NDUFAF6: variants seen among roughly 807,000 people sequenced by gnomAD.
The protein encoded by NDUFAF6 is NADH:ubiquinone oxidoreductase complex assembly factor 6.
NDUFAF6 carries 45 observed loss-of-function variants against 40.8 expected under a neutral mutation model. The observed-to-expected ratio is 1.10, with a 90% CI of 0.87 to 1.42. The LOEUF is 1.42. Among genes scored for constraint, NDUFAF6 ranks in the 40% most tolerant of loss-of-function variants. NDUFAF6 has a pLI of 0.00. For missense variants in NDUFAF6, 435 were observed against 418.5 expected (o/e 1.04, Z -0.34); for synonymous variants, 185 against 155.9 (o/e 1.19, Z -1.39).
At chr8:95,053,925 C>CTT (rs71273448) in intron 8 of NDUFAF6, among the ~76,000 whole-genome samples, 1,845 of 37,020 alleles carry the variant, frequency 0.05, 643 homozygotes, top group Non-Finnish European at 0.069. Flanking sequence ...CCGTGCCCGG[C>CTT]TTTTTTTTTT....
intron 2 of NDUFAF6, chr8:95,034,214 C>A: frequency 2.8e-6 from 1 of 360,666 alleles, no homozygotes; most frequent in Non-Finnish European, 5.6e-6. Flanking sequence ...ATACACATTT[C>A]TCTTTTTATG....
chr8:95,114,372 G>A (rs566022117), intron 4 of NDUFAF6, among the ~76,000 whole-genome samples: 4 of 152,316 alleles, frequency 2.6e-5, no homozygotes, highest in South Asian at 2.1e-4. Flanking sequence ...CCACAGGACC[G>A]CAAAAGCAGC....
chr8:95,079,632 T>C (rs964344930), downstream of NDUFAF6, among the ~76,000 whole-genome samples: 4 of 151,914 alleles, frequency 2.6e-5, no homozygotes, highest in Admixed American at 2.6e-4. Context: ...TGACAACAAT[T>C]AAACTATAGG....
downstream of NDUFAF6, among the ~76,000 whole-genome samples, chr8:95,078,914 G>A (rs1207976610): frequency 2.0e-5 from 3 of 151,766 alleles, no homozygotes; most frequent in Non-Finnish European, 2.9e-5. Context: ...AATAATGCAC[G>A]CAGGCATCCA....
chr8:94,967,069 A>G (rs1824068395), intron 1 of NDUFAF6, among the ~76,000 whole-genome samples: 1 of 152,216 alleles, frequency 6.6e-6, no homozygotes. Flanking sequence ...ATAAGGGGGT[A>G]GGCAGAAGAA....
At chr8:94,994,280 G>C (rs1367472601) in intron 2 of NDUFAF6, among the ~76,000 whole-genome samples, 1 of 152,206 alleles carries the variant, frequency 6.6e-6, no homozygotes, top group Non-Finnish European at 1.5e-5. Context: ...TCTGGGCGCG[G>C]TGGCTCACAC....
intron 5 of NDUFAF6, among the ~76,000 whole-genome samples, chr8:95,046,426 T>C (rs1830777278): frequency 6.6e-6 from 1 of 152,236 alleles, no homozygotes; most frequent in Non-Finnish European, 1.5e-5. Context: ...GGATTTCTTC[T>C]CTGACTTTGT....
chr8:94,959,273 A>C (rs1823353548), intron 1 of NDUFAF6, among the ~76,000 whole-genome samples: 2 of 152,158 alleles, frequency 1.3e-5, no homozygotes, highest in Admixed American at 1.3e-4. Flanking sequence ...TAACCATAAC[A>C]ATCTCCCAGG....
intron 2 of NDUFAF6, among the ~76,000 whole-genome samples, chr8:95,088,150 G>A (rs1260820589): frequency 6.6e-6 from 1 of 152,192 alleles, no homozygotes; most frequent in Non-Finnish European, 1.5e-5. Context: ...TTGAGGCACT[G>A]CCTGCAAACC....
downstream of NDUFAF6, among the ~76,000 whole-genome samples, chr8:95,117,595 A>G (rs994507592): frequency 6.6e-5 from 10 of 152,156 alleles, no homozygotes; most frequent in African/African-American, 2.2e-4. Flanking sequence ...CTTGACAGAT[A>G]TTACCAGTGT....
intron 2 of NDUFAF6, among the ~76,000 whole-genome samples, chr8:94,981,927 C>CAAAA (rs35674623): frequency 1.1e-4 from 10 of 93,506 alleles, no homozygotes; most frequent in African/African-American, 3.2e-4. Context: ...GACCCTGTCT[C>CAAAA]AAAAAAAAAA....
downstream of NDUFAF6, among the ~76,000 whole-genome samples, chr8:95,079,505 A>G (rs942069509): frequency 2.0e-5 from 3 of 152,158 alleles, no homozygotes; most frequent in African/African-American, 7.2e-5. Flanking sequence ...TTCAGTACCC[A>G]TGACATTCCA....
chr8:95,047,010 T>G lies in NDUFAF6; in HGVS notation c.597T>G (p.His199Gln). The change falls in exon 6 of 9, where the codon CAT (histidine) becomes CAG (glutamine). Residue 199 changes from histidine (H) to glutamine (Q), a missense_variant. By Grantham distance (24) the His-to-Gln change is conservative (BLOSUM62 0). Coordinates refer to ENST00000396124, the MANE Select transcript of NDUFAF6 (RefSeq NM_152416.4). ...TLEILGIKDL[H>Q]ADHAASHIGK... ...AAATCATAGGTATAAAGGATCTTCA[T>G]GCAGATCATGCTGCAAGTCATATTG... 6.2e-7 allele frequency: 1 copy of G among 1,614,158 alleles called. No homozygotes were observed. Among genetic ancestry groups the G allele is most frequent in the Non-Finnish European group, 8.5e-7 (1 of 1,180,010 alleles).
At chr8:94,931,863 T>C (rs1820436664) in intron 1 of NDUFAF6, among the ~76,000 whole-genome samples, 1 of 152,058 alleles carries the variant, frequency 6.6e-6, no homozygotes, top group Non-Finnish European at 1.5e-5. Context: ...TCCCAGCTAC[T>C]TGGGAGGCTG....
intron 1 of NDUFAF6, 30 bp from the exon 2 acceptor site, chr8:95,031,965 G>A: frequency 6.3e-7 from 1 of 1,587,330 alleles, no homozygotes; most frequent in Non-Finnish European, 8.7e-7. Flanking sequence ...AAAGTGAAGA[G>A]TAACTGTCTT....
chr8:95,035,590 A>AC lies in NDUFAF6; in HGVS notation c.420+14_420+15insC. Reference sequence around the variant, plus strand: ...GAACTATGGAAGGTAAAAAAAAAAAAATACCACTTTTAATTTGTATGAATA... The same window carrying AC: ...GAACTATGGAAGGTAAAAAAAAAAAACATACCACTTTTAATTTGTATGAATA... On this transcript the variant is annotated intron_variant, in intron 3 of 8. Coordinates refer to ENST00000396124, the MANE Select transcript of NDUFAF6 (RefSeq NM_152416.4). The AC allele has an allele frequency of 6.2e-7, 1 of 1,609,062 alleles. No homozygotes were observed. Among genetic ancestry groups the AC allele is most frequent in the Non-Finnish European group, 8.5e-7 (1 of 1,176,830 alleles).
At chr8:94,969,090 T>C (rs1824253568) in intron 1 of NDUFAF6, among the ~76,000 whole-genome samples, 2 of 152,060 alleles carry the variant, frequency 1.3e-5, no homozygotes, top group South Asian at 2.1e-4. Flanking sequence ...GGAGTTCCGA[T>C]GAGAGGTGGA....
At chr8:95,004,349 C>CTTT (rs11422482) in intron 2 of NDUFAF6, among the ~76,000 whole-genome samples, 1,193 of 92,300 alleles carry the variant, frequency 0.013, 38 homozygotes, top group Middle Eastern at 0.042. Context: ...CTCACCATTA[C>CTTT]TTTTTTTTTT....
At chr8:95,085,785 A>G (rs1419195691) in intron 2 of NDUFAF6, 1 of 152,220 alleles carries the variant, frequency 6.6e-6, no homozygotes, top group East Asian at 1.9e-4. Flanking sequence ...AAGATTCAAG[A>G]CATAAACATG....
Sources: allele counts gnomAD v4.1 joint callset (sites outside exome capture counted in the v4.1 genomes callset), GRCh38; gene constraint gnomAD v4.1.1; transcripts MANE v1.5; gene names NCBI Gene and HGNC (gene_info 2026-07-23, HGNC 2026-07-21).